GALNTL6: variants seen among roughly 807,000 people sequenced by gnomAD.
GALNTL6 encodes the protein polypeptide N-acetylgalactosaminyltransferase like 6.
In GALNTL6, 46 loss-of-function variants were observed where a neutral mutation model predicts 73.7. The ratio of observed to expected loss-of-function variants is 0.62; its 90% confidence interval spans 0.49 to 0.80. The LOEUF (loss-of-function observed/expected upper bound fraction) is 0.80, where lower values mean the gene tolerates loss of function less well. Ranked by LOEUF, GALNTL6 falls within the 30% of genes least tolerant of loss-of-function variation. The pLI is 0.00. For missense variants in GALNTL6, 604 were observed against 755.0 expected (o/e 0.80, Z 2.34); for synonymous variants, 259 against 263.7 (o/e 0.98, Z 0.17).
chr4:172,287,712 C>G (rs1739312854), intron 3 of GALNTL6, among the ~76,000 whole-genome samples: 1 of 152,098 alleles, frequency 6.6e-6, no homozygotes, highest in African/African-American at 2.4e-5. Context: ...CCTCCTTGTG[C>G]TTACATTGTT....
chr4:171,832,547 T>C (rs979644573), intron 2 of GALNTL6, among the ~76,000 whole-genome samples: 1 of 151,372 alleles, frequency 6.6e-6, no homozygotes, highest in Non-Finnish European at 1.5e-5. Context: ...ATTTGTTCCA[T>C]TGTCAAGAAC....
intron 2 of GALNTL6, among the ~76,000 whole-genome samples, chr4:172,001,900 A>G (rs1740686389): frequency 6.6e-6 from 1 of 152,182 alleles, no homozygotes; most frequent in Non-Finnish European, 1.5e-5. Flanking sequence ...TTAAATTCAT[A>G]GCTGTCCCTG....
chr4:172,357,583 C>T (rs1742202250), intron 5 of GALNTL6, among the ~76,000 whole-genome samples: 3 of 150,112 alleles, frequency 2.0e-5, no homozygotes, highest in South Asian at 4.2e-4. Context: ...CCTCTCAAAA[C>T]GTAGATTGGG....
At chr4:172,102,391 ACTGTCTAG>A (rs1470798508) in intron 2 of GALNTL6, among the ~76,000 whole-genome samples, 1 of 152,186 alleles carries the variant, frequency 6.6e-6, no homozygotes, top group Non-Finnish European at 1.5e-5. Context: ...TGAAAAGAGG[ACTGTCTAG>A]CTGGTCTTTT....
intron 4 of GALNTL6, among the ~76,000 whole-genome samples, chr4:172,317,611 A>G (rs1740607115): frequency 6.6e-6 from 1 of 152,212 alleles, no homozygotes; most frequent in South Asian, 2.1e-4. Flanking sequence ...TTTCTTTCAG[A>G]TAAGATTTTG....
chr4:172,797,045 C>T (rs1413413918), intron 5 of GALNTL6, among the ~76,000 whole-genome samples: 2 of 152,240 alleles, frequency 1.3e-5, no homozygotes, highest in Non-Finnish European at 2.9e-5. Context: ...TATCACTCAA[C>T]CCATGTAGTG....
At chr4:172,582,391 T>C (rs1260760610) in intron 5 of GALNTL6, among the ~76,000 whole-genome samples, 7 of 152,094 alleles carry the variant, frequency 4.6e-5, no homozygotes, top group Admixed American at 1.3e-4. Context: ...TATCCGAGGA[T>C]TGGTTCTAGG....
intron 2 of GALNTL6, among the ~76,000 whole-genome samples, chr4:172,107,959 C>T (rs1457220894): frequency 6.6e-6 from 1 of 152,068 alleles, no homozygotes; most frequent in African/African-American, 2.4e-5. Flanking sequence ...GATACTGTCA[C>T]ATGGAAGAAA....
At chr4:172,090,741 T>C (rs1732179783) in intron 2 of GALNTL6, among the ~76,000 whole-genome samples, 1 of 152,188 alleles carries the variant, frequency 6.6e-6, no homozygotes, top group African/African-American at 2.4e-5. Flanking sequence ...GCAGTTGCTT[T>C]TGGTGTTTTA....
chr4:172,498,848 A>G (rs886160359), intron 5 of GALNTL6, among the ~76,000 whole-genome samples: 2 of 152,194 alleles, frequency 1.3e-5, no homozygotes, highest in African/African-American at 4.8e-5. Flanking sequence ...AAAATTATTC[A>G]TAAGTAAATC....
chr4:171,921,142 A>G (rs1737774549), intron 2 of GALNTL6, among the ~76,000 whole-genome samples: 1 of 152,054 alleles, frequency 6.6e-6, no homozygotes, highest in Non-Finnish European at 1.5e-5. Context: ...ATGCCTTTTT[A>G]GTTACAAATT....
chr4:172,968,736 C>T (rs1390139946), intron 10 of GALNTL6, among the ~76,000 whole-genome samples: 3 of 151,714 alleles, frequency 2.0e-5, no homozygotes, highest in Non-Finnish European at 4.4e-5. Flanking sequence ...TTTTTGTGAA[C>T]CAGGCAGAGC....
intron 2 of GALNTL6, among the ~76,000 whole-genome samples, chr4:171,940,625 C>T (rs1738500933): frequency 6.6e-6 from 1 of 151,842 alleles, no homozygotes; most frequent in Admixed American, 6.6e-5. Context: ...AGTTTGAGAC[C>T]AGCCTGACCA....
intron 5 of GALNTL6, among the ~76,000 whole-genome samples, chr4:172,594,984 C>G (rs1254051452): frequency 6.6e-6 from 1 of 152,138 alleles, no homozygotes; most frequent in African/African-American, 2.4e-5. Context: ...TGGTTGAGTT[C>G]TGATGAGGGC....
chr4:172,973,864 G>A (rs80314664), intron 10 of GALNTL6, among the ~76,000 whole-genome samples: 2,493 of 152,258 alleles, frequency 0.016, 74 homozygotes, highest in African/African-American at 0.057. Context: ...CATGCTGCAT[G>A]GTATTGACTT....
chr4:171,864,158 CT>C (rs1257257514), intron 2 of GALNTL6, among the ~76,000 whole-genome samples: 1 of 152,102 alleles, frequency 6.6e-6, no homozygotes. Flanking sequence ...TTTGTAAGTA[CT>C]TTAACATTCT....
rs139657872 is a variant in GALNTL6, at chr4:172,523,805, T to C, written c.553+175116T>C. On this transcript the variant is annotated intron_variant, in intron 5 of 12. Coordinates refer to ENST00000506823, the MANE Select transcript of GALNTL6 (RefSeq NM_001034845.3). ...TTCTCTACACTCTCTTAATGGGGTA[T>C]TTATTTTGCCTATCTTTAAAAAAAT... is the stretch of plus-strand genomic sequence containing the variant. Among the ~76,000 whole-genome samples the C allele has an allele frequency of 2.3e-3, 353 of 152,328 alleles. 1 individual carries two copies. Among genetic ancestry groups the C allele is most frequent in the African/African-American group, 8.1e-3 (337 of 41,566 alleles).
intron 4 of GALNTL6, among the ~76,000 whole-genome samples, chr4:172,337,532 A>G (rs1183385139): frequency 6.6e-6 from 1 of 152,074 alleles, no homozygotes; most frequent in Non-Finnish European, 1.5e-5. Context: ...TTTTGCTTAA[A>G]AAGCTTAGTT....
chr4:171,917,795 C>A (rs1230828547), intron 2 of GALNTL6, among the ~76,000 whole-genome samples: 1 of 151,934 alleles, frequency 6.6e-6, no homozygotes, highest in African/African-American at 2.4e-5. Flanking sequence ...TAGAAACAAC[C>A]AATACAAGTG....
Sources: allele counts gnomAD v4.1 joint callset (sites outside exome capture counted in the v4.1 genomes callset), GRCh38; gene constraint gnomAD v4.1.1; transcripts MANE v1.5; gene names NCBI Gene and HGNC (gene_info 2026-07-23, HGNC 2026-07-21).